CTBP1: variants seen among roughly 807,000 people sequenced by gnomAD.
CTBP1 encodes the protein C-terminal binding protein 1.
A neutral mutation model predicts 42.1 loss-of-function variants in CTBP1; 11 were observed. The ratio of observed to expected loss-of-function variants is 0.26; its 90% confidence interval spans 0.16 to 0.43. CTBP1 has a LOEUF of 0.43. CTBP1 is among the 20% of genes least tolerant of loss of function. The pLI is 1.00. For missense variants in CTBP1, 399 were observed against 624.3 expected (o/e 0.64, Z 3.85); for synonymous variants, 324 against 277.1 (o/e 1.17, Z -1.68).
intron 5 of CTBP1, among the ~76,000 whole-genome samples, chr4:1,219,090 G>C (rs1186765712): frequency 6.6e-6 from 1 of 152,162 alleles, no homozygotes. Flanking sequence ...CCAGCACTTT[G>C]GGAGGCCAAG....
chr4:1,248,829 G>A lies in CTBP1; in HGVS notation c.-189+87C>T, dbSNP rs1212175179. 1.9e-5 allele frequency: 17 copies of A among 911,246 alleles called. 1 individual carries two copies. The East Asian group carries it at 3.7e-4, about 20-fold the overall frequency. The allele number at this position is 911,246 out of a possible 1,614,324, so 56.4% of individuals were successfully genotyped here. ...GCCGGCGGCCCGCGGGCGCGCGCTC[G>A]GTCCGCCCCCGCGCCCCCCGCCCGC... On this transcript the variant is annotated intron_variant, in intron 1 of 9. Transcript: ENST00000382952.
rs555025651 is a variant in CTBP1 at position 1,219,848 on chromosome 4, G to A, written c.515-3643C>T. Among the ~76,000 whole-genome samples the A allele has an allele frequency of 1.3e-3, 197 of 152,332 alleles. 1 individual carries two copies. Among genetic ancestry groups the A allele is most frequent in the South Asian group, 4.3e-3 (21 of 4,830 alleles). ...CGGCCTAACATGGAGAATTTAGAACGCTGTGGGATATGAGGTTGGTTTACA... is the reference window on the plus strand; with the variant it reads ...CGGCCTAACATGGAGAATTTAGAACACTGTGGGATATGAGGTTGGTTTACA... On this transcript the variant is annotated intron_variant, in intron 5 of 9. Coordinates refer to ENST00000382952, the MANE Select transcript of CTBP1 (RefSeq NM_001012614.2).
intron 5 of CTBP1, among the ~76,000 whole-genome samples, chr4:1,219,555 ACACT>A (rs1729510515): frequency 6.6e-6 from 1 of 152,260 alleles, no homozygotes; most frequent in Non-Finnish European, 1.5e-5. Context: ...GGTAACACCC[ACACT>A]CACTGCTGCT....
At chr4:1,247,771 G>T (rs959766540) in intron 1 of CTBP1, among the ~76,000 whole-genome samples, 4 of 146,650 alleles carry the variant, frequency 2.7e-5, no homozygotes, top group Admixed American at 1.3e-4. Context: ...CCGGGGAGGG[G>T]GGGGGGGCTC....
chr4:1,234,507 G>A (rs1308055020), intron 3 of CTBP1, among the ~76,000 whole-genome samples: 1 of 152,196 alleles, frequency 6.6e-6, no homozygotes, highest in African/African-American at 2.4e-5. Flanking sequence ...CCTGGGTGGG[G>A]AGCAGGAAGT....
At chr4:1,231,147 G>C (rs1019481701) in intron 3 of CTBP1, 3 of 152,402 alleles carry the variant, frequency 2.0e-5, no homozygotes, top group Admixed American at 6.5e-5. Flanking sequence ...ACAGCTGCTA[G>C]CATGTGCGCT....
intron 1 of CTBP1, chr4:1,244,489 A>ACCCTCCACGT: frequency 2.0e-6 from 2 of 984,336 alleles, no homozygotes; most frequent in Non-Finnish European, 2.4e-6. Flanking sequence ...GCAGCTACCA[A>ACCCTCCACGT]CCCTCCACGT....
intron 5 of CTBP1, chr4:1,216,950 C>G (rs1337733079): frequency 2.0e-5 from 3 of 152,608 alleles, no homozygotes; most frequent in African/African-American, 7.2e-5. Context: ...TCCTGCATTG[C>G]CTCAGAGGGA....
Position 1,238,219 on chromosome 4 carries a change from G to A in CTBP1, c.126C>T (p.Phe42=). The change falls in exon 3 of 10, where the codon TTC becomes TTT. Residue 42 remains phenylalanine, a synonymous_variant. Transcript: ENST00000382952. This position sits in a 1 kb window ranked among gnomAD's most constrained non-coding sequence, Gnocchi z 5.9. ...TCTCCTGCGTGGACTGCGCGTCGCA[G>A]AAGGCCACAGTGGCCACGTCCTTCA... ...PILKDVATVA[F]CDAQSTQEIH... is the part of the protein sequence containing the mutation. The A allele has an allele frequency of 6.2e-7, 1 of 1,612,916 alleles. No individual in the cohort carries two copies. Among genetic ancestry groups the A allele is most frequent in the Non-Finnish European group, 8.5e-7 (1 of 1,179,844 alleles).
Position 1,214,332 on chromosome 4 carries a change from C to A in CTBP1, c.860+11G>T. On this transcript the variant is annotated intron_variant, in intron 7 of 9. Transcript: ENST00000382952. ...GGAAGAGCAGGGGGGCGGCACTGGCCGTGGGGGCACCTGAAGGGTTCCGAC... is the reference window on the plus strand; with the variant it reads ...GGAAGAGCAGGGGGGCGGCACTGGCAGTGGGGGCACCTGAAGGGTTCCGAC... 6.5e-7 allele frequency: 1 copy of A among 1,543,158 alleles called. No homozygotes were observed. The highest frequency in any genetic ancestry group is 8.7e-7 in the Non-Finnish European group (1 of 1,152,688).
chr4:1,245,476 A>G, intron 1 of CTBP1: 1 of 985,382 alleles, frequency 1.0e-6, no homozygotes, highest in Non-Finnish European at 1.2e-6. Flanking sequence ...ACAGCCTCGG[A>G]TGCCTCTGAG....
chr4:1,216,276 G>T (rs1294506334), intron 5 of CTBP1, 71 bp from the exon 6 acceptor site: 2 of 1,450,708 alleles, frequency 1.4e-6, no homozygotes, highest in Non-Finnish European at 1.9e-6. Flanking sequence ...GAAAGCCAGG[G>T]TCGGAGTGGC....
At chr4:1,215,464 C>A (rs1729007253) in intron 6 of CTBP1, 2 of 200,712 alleles carry the variant, frequency 1.0e-5, no homozygotes, top group Admixed American at 5.3e-5. Context: ...CCCAGCTCCA[C>A]CCACTCAAGG....
At chr4:1,243,456 C>G in intron 1 of CTBP1, 1 of 985,390 alleles carries the variant, frequency 1.0e-6, no homozygotes, top group East Asian at 1.1e-4. Flanking sequence ...CAAGGCTGCT[C>G]CAGTTCAGGA....
chr4:1,224,574 CGT>C (rs1446357992), intron 5 of CTBP1, among the ~76,000 whole-genome samples: 2 of 148,728 alleles, frequency 1.3e-5, no homozygotes, highest in African/African-American at 2.5e-5. Context: ...CTGTGACATC[CGT>C]GTGTGATGTC....
At chr4:1,237,564 C>T in intron 3 of CTBP1, 1 of 626,312 alleles carries the variant, frequency 1.6e-6, no homozygotes, top group South Asian at 1.6e-5. Flanking sequence ...GGGCTCAGGA[C>T]AAACCCTGTG....
At chr4:1,243,678 G>A (rs1370861273) in intron 1 of CTBP1, 76 of 985,314 alleles carry the variant, frequency 7.7e-5, no homozygotes, top group Middle Eastern at 5.2e-4. Flanking sequence ...CGCACCTCAC[G>A]CCAGGGAGCT....
At chr4:1,248,649 C>T in intron 1 of CTBP1, 3 of 982,626 alleles carry the variant, frequency 3.1e-6, no homozygotes. Flanking sequence ...CCCACAGGCC[C>T]TTTTGTGTCA....
intron 1 of CTBP1, chr4:1,242,895 A>G (rs1732322517): frequency 2.0e-6 from 2 of 985,286 alleles, no homozygotes; most frequent in Admixed American, 6.1e-5. Context: ...ACCCACGCCC[A>G]GCCAAACTCA....
Sources: gnomAD v4.1 joint callset for allele counts (sites outside exome capture counted in the v4.1 genomes callset) on GRCh38, gnomAD v4.1.1 for gene constraint, Gnocchi (gnomAD v3.1) non-coding constraint, MANE v1.5 for transcripts, NCBI Gene and HGNC (gene_info 2026-07-23, HGNC 2026-07-21) for gene names.